Variants in SPAM1 observed in about 807,000 individuals in gnomAD.
The protein encoded by SPAM1 is hyaluronidase PH-20.
A neutral mutation model predicts 29.6 loss-of-function variants in SPAM1; 22 were observed. The ratio of observed to expected loss-of-function variants is 0.74; its 90% CI spans 0.53 to 1.06. The LOEUF (loss-of-function observed/expected upper bound fraction) is 1.06, where lower values mean the gene tolerates loss of function less well. Among genes scored for constraint, SPAM1 ranks in the 50% least tolerant of loss-of-function variants. The pLI is 0.00. For synonymous variants in SPAM1, 194 were observed against 204.6 expected (o/e 0.95, Z 0.44); for missense variants, 534 against 604.0 (o/e 0.88, Z 1.21).
rs1792180337 is a variant in SPAM1 at position 123,953,988 on chromosome 7, T to G, written c.418T>G (p.Leu140Val). The stretch of plus-strand genomic sequence containing the variant: ...TACATTTTATATGCCAGTAGACAAT[T>G]TGGGAATGGCTGTTATTGACTGGGA... ...DITFYMPVDN[L>V]GMAVIDWEEW... is the part of the protein sequence containing the mutation. The change falls in exon 3 of 5, where the codon TTG (leucine) becomes GTG (valine). Residue 140 changes from leucine to valine, a missense_variant. Coordinates refer to ENST00000682466, the MANE Select transcript of SPAM1 (RefSeq NM_153189.3). 6.2e-7 allele frequency: 1 copy of G among 1,613,586 alleles called. No individual in the cohort carries two copies. The highest frequency in any genetic ancestry group is 1.7e-5 in the Admixed American group (1 of 59,876).
intron 1 of SPAM1, among the ~76,000 whole-genome samples, chr7:123,948,163 C>T (rs1016257250): frequency 6.6e-6 from 1 of 152,104 alleles, no homozygotes; most frequent in African/African-American, 2.4e-5. Context: ...TCCTTTCATT[C>T]GTGAAAATAC....
At chr7:123,970,694 A>G (rs1461822288) in intron 6 of SPAM1, among the ~76,000 whole-genome samples, 1 of 151,404 alleles carries the variant, frequency 6.6e-6, no homozygotes, top group African/African-American at 2.4e-5. Flanking sequence ...TCCATAACAA[A>G]ATCAGTACCC....
In SPAM1 at chr7:123,959,781, G is replaced by A. The variant is rs35333278; in HGVS notation, c.1342G>A (p.Asp448Asn). The change falls in exon 5 of 5, where the codon GAT (aspartate) becomes AAT (asparagine). Residue 448 changes from aspartate (D) to asparagine (N), a missense_variant. Physicochemically the swap from Asp to Asn is conservative, Grantham distance 23 (BLOSUM62 1). Coordinates refer to ENST00000682466, the MANE Select transcript of SPAM1 (RefSeq NM_153189.3). The stretch of plus-strand genomic sequence containing the variant: ...CACCTTGAGTTGTAAGGAGAAAGCT[G>A]ATGTAAAAGACACTGATGCTGTTGA... Reference protein sequence around the residue: ...YSTLSCKEKADVKDTDAVDVC... With the variant: ...YSTLSCKEKANVKDTDAVDVC... The A allele has an allele frequency of 3.4e-5, 55 of 1,613,208 alleles. No individual in the cohort carries two copies. The African/African-American group carries it at 7.1e-4, about 21-fold the overall frequency.
chr7:123,942,800 G>A (rs1808469336), intron 1 of SPAM1, among the ~76,000 whole-genome samples: 1 of 152,092 alleles, frequency 6.6e-6, no homozygotes, highest in African/African-American at 2.4e-5. Flanking sequence ...GGCTTTTATT[G>A]CCTCTTTAAT....
chr7:123,970,608 A>AATTATT (rs1554432383), intron 6 of SPAM1, among the ~76,000 whole-genome samples: 1 of 147,260 alleles, frequency 6.8e-6, no homozygotes, highest in African/African-American at 2.5e-5. Context: ...TAATAATAAT[A>AATTATT]ATTATTATTA....
At chr7:123,967,048 A>G (rs914611043) in intron 5 of SPAM1, among the ~76,000 whole-genome samples, 3 of 152,010 alleles carry the variant, frequency 2.0e-5, no homozygotes, top group African/African-American at 7.2e-5. Context: ...TTGAGAAAAG[A>G]GGAAGCTTAG....
chr7:123,937,437 T>G (rs1563022902), intron 1 of SPAM1, among the ~76,000 whole-genome samples: 1 of 151,834 alleles, frequency 6.6e-6, no homozygotes, highest in African/African-American at 2.4e-5. Context: ...CCGTCTCTAC[T>G]AAAAATACAA....
chr7:123,966,662 A>T (rs1341519210), intron 5 of SPAM1, among the ~76,000 whole-genome samples: 2 of 152,088 alleles, frequency 1.3e-5, no homozygotes, highest in African/African-American at 4.8e-5. Flanking sequence ...GCAAACTAAC[A>T]CAGTAACAGA....
intron 5 of SPAM1, among the ~76,000 whole-genome samples, chr7:123,967,610 ATG>A: frequency 6.6e-6 from 1 of 151,840 alleles, no homozygotes; most frequent in East Asian, 1.9e-4. Flanking sequence ...ATGTGTGCAC[ATG>A]TGTGGGTGTA....
intron 1 of SPAM1, chr7:123,947,908 G>A (rs1808637032): frequency 6.6e-6 from 1 of 152,084 alleles, no homozygotes; most frequent in South Asian, 2.1e-4. Context: ...TCAGCCTCAA[G>A]AATCTCTGGC....
chr7:123,931,777 C>T (rs1808087533), intron 1 of SPAM1, among the ~76,000 whole-genome samples: 1 of 152,140 alleles, frequency 6.6e-6, no homozygotes, highest in African/African-American at 2.4e-5. Context: ...CCCTGACAAC[C>T]TGTACCCCTC....
chr7:123,940,551 C>T (rs1485411566), intron 1 of SPAM1, among the ~76,000 whole-genome samples: 1 of 151,042 alleles, frequency 6.6e-6, no homozygotes, highest in Admixed American at 6.6e-5. Context: ...TGTGGTGGTG[C>T]AGTCACAGCT....
chr7:123,938,586 A>C (rs1425349565), intron 1 of SPAM1, among the ~76,000 whole-genome samples: 1 of 152,184 alleles, frequency 6.6e-6, no homozygotes, highest in Non-Finnish European at 1.5e-5. Flanking sequence ...CTTTGGACAA[A>C]GGTGTTTTCT....
chr7:123,966,918 C>A (rs1792432858), intron 5 of SPAM1, among the ~76,000 whole-genome samples: 1 of 151,066 alleles, frequency 6.6e-6, no homozygotes, highest in African/African-American at 2.4e-5. Context: ...AAGGTTGAAG[C>A]AAAAAAAATA....
Position 123,959,481 on chromosome 7 carries a change from C to T in SPAM1, c.1045-3C>T. 1 of 1,568,550 alleles carries T rather than the reference C, an allele frequency of 6.4e-7. No homozygotes were observed. The highest frequency in any genetic ancestry group is 1.2e-5 in the South Asian group (1 of 84,842). On this transcript the variant is annotated splice_polypyrimidine_tract_variant and splice_region_variant and intron_variant, in intron 4 of 4. Transcript: ENST00000682466. ...TTCTGACTGTCTTATAATAATTTTA[C>T]AGAAATCTTGCTTGCTCCTAGACAA...
At chr7:123,952,291 A>G (rs1277464940) in intron 2 of SPAM1, among the ~76,000 whole-genome samples, 1 of 152,118 alleles carries the variant, frequency 6.6e-6, no homozygotes, top group African/African-American at 2.4e-5. Context: ...TGATCTCTTT[A>G]GAGTCATTTA....
chr7:123,958,638 G>A (rs1190861903), intron 4 of SPAM1, among the ~76,000 whole-genome samples: 4 of 151,758 alleles, frequency 2.6e-5, no homozygotes, highest in Non-Finnish European at 4.4e-5. Context: ...GACCAGCCTG[G>A]GCAACATAGT....
At chr7:123,942,757 T>A (rs1808467143) in intron 1 of SPAM1, among the ~76,000 whole-genome samples, 1 of 152,158 alleles carries the variant, frequency 6.6e-6, no homozygotes, top group African/African-American at 2.4e-5. Context: ...GCAGGGACTG[T>A]GTAGACAAGA....
At chr7:123,961,975 A>T (rs527624586), downstream of SPAM1, among the ~76,000 whole-genome samples, 1 of 151,976 alleles carries the variant, frequency 6.6e-6, no homozygotes. Context: ...TGATTCAATT[A>T]TCTCCCACTC....
Sources: gnomAD v4.1 joint callset for allele counts (sites outside exome capture counted in the v4.1 genomes callset) on GRCh38, gnomAD v4.1.1 for gene constraint, MANE v1.5 for transcripts, NCBI Gene and HGNC (gene_info 2026-07-23, HGNC 2026-07-21) for gene names.